Variants in EIPR1 observed in about 807,000 individuals in gnomAD.
The protein encoded by EIPR1 is EARP complex and GARP complex interacting protein 1.
Under a neutral mutation model 48.1 loss-of-function variants are expected in EIPR1, and 25 were observed. That is an observed-to-expected ratio of 0.52 (90% CI 0.38 to 0.73). The LOEUF is 0.73. Ranked by LOEUF, EIPR1 falls within the 30% of genes least tolerant of loss-of-function variation. The pLI, the probability that EIPR1 is intolerant of heterozygous loss-of-function variation, is 0.00. For synonymous variants in EIPR1, 204 were observed against 201.9 expected (o/e 1.01, Z -0.09); for missense variants, 415 against 506.2 (o/e 0.82, Z 1.73).
chr2:3,242,038 T>C (rs1383770547), intron 4 of EIPR1, among the ~76,000 whole-genome samples: 1 of 151,952 alleles, frequency 6.6e-6, no homozygotes, highest in East Asian at 1.9e-4. Flanking sequence ...TCATGTAGGA[T>C]GGGAAGGGGA....
intron 3 of EIPR1, among the ~76,000 whole-genome samples, chr2:3,270,328 T>G (rs1429196502): frequency 6.6e-6 from 1 of 152,110 alleles, no homozygotes; most frequent in Non-Finnish European, 1.5e-5. Context: ...GGGCCTGGGG[T>G]GTGTCAGCGT....
chr2:3,201,232 T>A (rs1332390318), intron 5 of EIPR1, among the ~76,000 whole-genome samples: 3 of 152,118 alleles, frequency 2.0e-5, no homozygotes, highest in Non-Finnish European at 4.4e-5. Context: ...ATCCCCCTGA[T>A]CAGGCACCCA....
intron 4 of EIPR1, among the ~76,000 whole-genome samples, chr2:3,219,435 G>A (rs1196854323): frequency 2.0e-5 from 3 of 149,248 alleles, no homozygotes; most frequent in East Asian, 4.0e-4. Context: ...CACTCAACAC[G>A]GCCCTGATAT....
At chr2:3,287,639 C>T (rs548358499) in intron 3 of EIPR1, among the ~76,000 whole-genome samples, 59 of 151,760 alleles carry the variant, frequency 3.9e-4, no homozygotes, top group African/African-American at 3.9e-4. Context: ...TCGTTCACCA[C>T]GCTCCGGAAA....
At position 3,189,399 on chromosome 2, in the gene EIPR1, T is replaced by C; in HGVS notation, c.1099A>G (p.Ser367Gly). The stretch of plus-strand genomic sequence containing the variant: ...TTGATCACGAGCCTCCCGTCATAGC[T>C]CAGGGAGGCAAACAGCCACGGGTCA... ...SADPWLFASL[S>G]YDGRLVINRV... is the part of the protein sequence containing the mutation. Residue 367 changes from serine to glycine, a missense_variant, in exon 9 of 9, where the codon AGC (serine) becomes GGC (glycine). Ser to Gly is a moderately conservative substitution (Grantham distance 56). Transcript: ENST00000382125. The surrounding 1 kb of genome is among the most constrained non-coding windows in gnomAD (Gnocchi z 4.6). 1 of 1,603,888 alleles carries C rather than the reference T, an allele frequency of 6.2e-7. No individual in the cohort carries two copies. The highest frequency in any genetic ancestry group is 8.5e-7 in the Non-Finnish European group (1 of 1,175,002).
At position 3,283,168 on chromosome 2, in the gene EIPR1, C is replaced by T. The variant is rs58661353; in HGVS notation, c.260-25713G>A. On this transcript the variant is annotated intron_variant, in intron 3 of 8. Transcript: ENST00000382125. ...ATCAGGGGAAGGCCAGCTGCCCCAA[C>T]CCTTGGCTCCCACTGCCATCACAGT... Among the ~76,000 whole-genome samples the T allele has an allele frequency of 7.1e-3, 1,082 of 152,316 alleles. 20 individuals carry two copies. The highest frequency in any genetic ancestry group is 0.025 in the African/African-American group (1,035 of 41,568).
chr2:3,261,633 C>T (rs1667338533), intron 3 of EIPR1: 1 of 152,244 alleles, frequency 6.6e-6, no homozygotes, highest in Non-Finnish European at 1.5e-5. Flanking sequence ...GTCCAGCAAC[C>T]CAGTGTCCCA....
chr2:3,367,971 G>A (rs1178503932), intron 1 of EIPR1, among the ~76,000 whole-genome samples: 1 of 152,154 alleles, frequency 6.6e-6, no homozygotes, highest in African/African-American at 2.4e-5. Flanking sequence ...CGTGAACCCG[G>A]GAGGCGGAGC....
intron 1 of EIPR1, among the ~76,000 whole-genome samples, chr2:3,364,585 A>G (rs1042386430): frequency 6.6e-6 from 1 of 151,718 alleles, no homozygotes; most frequent in Non-Finnish European, 1.5e-5. Context: ...CAGTGAGCCG[A>G]GATTGTACCA....
chr2:3,259,870 C>G (rs752784467), intron 3 of EIPR1, among the ~76,000 whole-genome samples: 2 of 152,168 alleles, frequency 1.3e-5, no homozygotes, highest in Non-Finnish European at 2.9e-5. Flanking sequence ...ATTGTATATC[C>G]ATATGAAAGA....
chr2:3,247,282 C>T (rs1187737787), intron 4 of EIPR1, among the ~76,000 whole-genome samples: 1 of 152,136 alleles, frequency 6.6e-6, no homozygotes, highest in Non-Finnish European at 1.5e-5. Flanking sequence ...CCGAGGTTTC[C>T]ATTATTTTGA....
chr2:3,243,843 A>C (rs149255879), intron 4 of EIPR1, among the ~76,000 whole-genome samples: 1,537 of 152,266 alleles, frequency 0.01, 16 homozygotes, highest in Non-Finnish European at 0.016. Flanking sequence ...GCTGTGACGT[A>C]CAGGGCATGG....
intron 3 of EIPR1, among the ~76,000 whole-genome samples, chr2:3,305,173 C>A (rs1393525632): frequency 7.0e-6 from 1 of 143,786 alleles, no homozygotes; most frequent in East Asian, 2.1e-4. Flanking sequence ...TCCAGTTCAA[C>A]CCTCCAATCC....
At chr2:3,349,001 T>C (rs575125960) in intron 2 of EIPR1, among the ~76,000 whole-genome samples, 12 of 152,320 alleles carry the variant, frequency 7.9e-5, no homozygotes, top group Admixed American at 2.6e-4. Flanking sequence ...CTGTTCAGGA[T>C]GGAGCTGTCC....
At chr2:3,233,053 C>G (rs1028036029) in intron 4 of EIPR1, among the ~76,000 whole-genome samples, 1 of 152,138 alleles carries the variant, frequency 6.6e-6, no homozygotes, top group African/African-American at 2.4e-5. Context: ...AAGTAGAAGT[C>G]TCTCATACTC....
At chr2:3,197,121 A>C in intron 5 of EIPR1, 104 bp from the exon 6 acceptor site, 6 of 1,247,092 alleles carry the variant, frequency 4.8e-6, no homozygotes, top group Non-Finnish European at 5.5e-6. Context: ...ATATTATTGA[A>C]AATAATTACT....
intron 5 of EIPR1, among the ~76,000 whole-genome samples, chr2:3,200,482 C>T (rs1411110844): frequency 5.3e-5 from 8 of 152,164 alleles, no homozygotes; most frequent in Non-Finnish European, 1.0e-4. Context: ...ATTTCTGCTC[C>T]GTGCAGGAAA....
intron 1 of EIPR1, among the ~76,000 whole-genome samples, chr2:3,364,948 A>G (rs1670937904): frequency 6.6e-6 from 1 of 152,226 alleles, no homozygotes; most frequent in East Asian, 1.9e-4. Context: ...ACAACAGTCT[A>G]TCGTACATTT....
At chr2:3,226,495 T>G (rs570796936) in intron 4 of EIPR1, among the ~76,000 whole-genome samples, 31 of 152,390 alleles carry the variant, frequency 2.0e-4, no homozygotes, top group African/African-American at 7.5e-4. Context: ...TCGAGTTGTA[T>G]GAGTTCCTTA....
Sources: gnomAD v4.1 joint callset for allele counts (sites outside exome capture counted in the v4.1 genomes callset) on GRCh38, gnomAD v4.1.1 for gene constraint, Gnocchi (gnomAD v3.1) non-coding constraint, MANE v1.5 for transcripts, NCBI Gene and HGNC (gene_info 2026-07-23, HGNC 2026-07-21) for gene names.